The following ZSCAN20 variants were observed in gnomAD, a reference collection of about 807,000 sequenced individuals.
ZSCAN20 encodes the protein zinc finger and SCAN domain containing 20.
In ZSCAN20, 39 loss-of-function variants were observed where a neutral mutation model predicts 97.1. That is an observed-to-expected ratio of 0.40 (90% CI 0.31 to 0.52). The LOEUF (loss-of-function observed/expected upper bound fraction) is 0.52. ZSCAN20 is among the 20% of genes least tolerant of loss of function. The pLI is 0.49. For synonymous variants in ZSCAN20, 456 were observed against 467.3 expected (o/e 0.98, Z 0.31); for missense variants, 1,115 against 1,290.4 (o/e 0.86, Z 2.08).
chr1:33,494,001 C>T (rs566643115), intron 7 of ZSCAN20, among the ~76,000 whole-genome samples: 2 of 152,294 alleles, frequency 1.3e-5, no homozygotes, highest in South Asian at 4.1e-4. Context: ...TCACCATGTC[C>T]CAGAGTCCAT....
At position 33,495,147 on chromosome 1, in the gene ZSCAN20, G is replaced by T; in HGVS notation, c.2803G>T (p.Asp935Tyr). The T allele has an allele frequency of 6.2e-7, 1 of 1,613,980 alleles. No homozygotes were observed. Among genetic ancestry groups the T allele is most frequent in the Non-Finnish European group, 8.5e-7 (1 of 1,179,932 alleles). Residue 935 changes from aspartate (D) to tyrosine (Y), a missense_variant, in exon 8 of 8, where the codon GAC (aspartate) becomes TAC (tyrosine). Asp to Tyr is a radical substitution (Grantham distance 160). Transcript: ENST00000684572. ...TGGAGAGAAGCCGTATAAATGTGTG[G>T]ACTGTGGGAAGTGCTTCAGTGAGCG... ...HTGEKPYKCV[D>Y]CGKCFSERSK...
intron 3 of ZSCAN20, among the ~76,000 whole-genome samples, chr1:33,488,866 A>G (rs1652477929): frequency 1.7e-5 from 1 of 60,446 alleles, no homozygotes; most frequent in Non-Finnish European, 3.9e-5. Flanking sequence ...GGAGTCCTGC[A>G]GCAGGTGCAG....
rs1652834220 is a variant in ZSCAN20 at position 33,495,581 on chromosome 1, A to C, written c.*105A>C. 1 of 1,106,656 alleles carries C rather than the reference A, an allele frequency of 9.0e-7. No homozygotes were observed. The highest frequency in any genetic ancestry group is 1.2e-6 in the Non-Finnish European group (1 of 838,188). The allele number at this position is 1,106,656 out of a possible 1,614,324, so 68.6% of individuals were successfully genotyped here. On this transcript the variant is annotated 3_prime_UTR_variant, in exon 8 of 8. Transcript: ENST00000684572. ...CAATTTTTAAGCTTGGTGTGTACCC[A>C]GGGAAGTTATCTTGGTATAAACCAG...
rs1652964502 is a variant in ZSCAN20 at position 33,498,892 on chromosome 1, G to A, written c.*3416G>A. Among the ~76,000 whole-genome samples, 1 of 152,202 alleles carries A rather than the reference G, an allele frequency of 6.6e-6. No homozygotes were observed. Among genetic ancestry groups the A allele is most frequent in the South Asian group, 2.1e-4 (1 of 4,834 alleles). The stretch of plus-strand genomic sequence containing the variant: ...ACCCCCAGAGGCAGCAGACCCAAAG[G>A]TAGGGGCAGGGAAAGGAGGGGCCAA... On this transcript the variant is annotated 3_prime_UTR_variant, in exon 8 of 8. Coordinates refer to ENST00000684572, the MANE Select transcript of ZSCAN20 (RefSeq NM_001377376.1).
At position 33,487,313 on chromosome 1, in the gene ZSCAN20, T is replaced by C. The variant is rs139938027; in HGVS notation, c.418-1152T>C. ...TGTTTTTAAAAGTTAGGTGTTTCTA[T>C]AAAGTATTGAGATTGTTATATTTTG... On this transcript the variant is annotated intron_variant, in intron 2 of 7. Coordinates refer to ENST00000684572, the MANE Select transcript of ZSCAN20 (RefSeq NM_001377376.1). 4.5e-3 allele frequency among the ~76,000 whole-genome samples: 690 copies of C among 152,328 alleles called. 1 individual carries two copies. The highest frequency in any genetic ancestry group is 8.4e-3 in the Admixed American group (128 of 15,302).
Position 33,501,155 on chromosome 1 carries a change from T to C in ZSCAN20, c.*5679T>C, listed in dbSNP as rs1653056106. On this transcript the variant is annotated 3_prime_UTR_variant, in exon 8 of 8. Transcript: ENST00000684572. ...AGGAAAGGGCTTGTTCATGACCACG[T>C]ATGAGGTCGCCAACCCAACCCTGTT... Among the ~76,000 whole-genome samples the C allele has an allele frequency of 6.6e-6, 1 of 152,120 alleles. No individual in the cohort carries two copies. The highest frequency in any genetic ancestry group is 2.4e-5 in the African/African-American group (1 of 41,430).
chr1:33,476,671 G>C (rs1651951034), intron 1 of ZSCAN20, among the ~76,000 whole-genome samples: 1 of 152,138 alleles, frequency 6.6e-6, no homozygotes, highest in Non-Finnish European at 1.5e-5. Context: ...TGTGTGAGAG[G>C]GTGACAGAAA....
Position 33,499,917 on chromosome 1 carries a change from C to A in ZSCAN20, c.*4441C>A, listed in dbSNP as rs953399964. On this transcript the variant is annotated 3_prime_UTR_variant, in exon 8 of 8. Coordinates refer to ENST00000684572, the MANE Select transcript of ZSCAN20 (RefSeq NM_001377376.1). The stretch of plus-strand genomic sequence containing the variant: ...CCATTTGGGCATTGCTCAGCTCCCC[C>A]ACCTGTTAATAGCAAACACCAATCT... Among the ~76,000 whole-genome samples, 1 of 152,072 alleles carries A rather than the reference C, an allele frequency of 6.6e-6. No homozygotes were observed. Among genetic ancestry groups the A allele is most frequent in the Admixed American group, 6.6e-5 (1 of 15,262 alleles).
rs1418623205 is a variant in ZSCAN20, at chr1:33,491,564, G to T, written c.1306G>T (p.Glu436Ter). ...ALPRLGYSDA[E>*]MDEQEEGGWD... ...TCCCAGGCTCGGGTATAGTGACGCAGAGATGGATGAGCAGGAGGAAGGGGG... is the reference window on the plus strand; with the variant it reads ...TCCCAGGCTCGGGTATAGTGACGCATAGATGGATGAGCAGGAGGAAGGGGG... The change falls in exon 6 of 8, where the codon GAG becomes TAG. Residue 436 changes from glutamate to a stop codon, truncating the protein, a stop_gained. Transcript: ENST00000684572. LOFTEE classifies it high-confidence loss of function. This position sits in a 1 kb window ranked among gnomAD's most constrained non-coding sequence, Gnocchi z 4.3. 6.2e-7 allele frequency: 1 copy of T among 1,614,158 alleles called. No homozygotes were observed. Among genetic ancestry groups the T allele is most frequent in the African/African-American group, 1.3e-5 (1 of 75,046 alleles).
chr1:33,484,133 A>T (rs1557438518), intron 2 of ZSCAN20, among the ~76,000 whole-genome samples: 1 of 152,186 alleles, frequency 6.6e-6, no homozygotes, highest in Non-Finnish European at 1.5e-5. Flanking sequence ...TCCATAGACA[A>T]TCGTGTCATT....
In ZSCAN20 at chr1:33,495,250, G is replaced by A. The variant is rs770631087; in HGVS notation, c.2906G>A (p.Arg969His). 8.1e-6 allele frequency: 13 copies of A among 1,612,786 alleles called. No homozygotes were observed. The highest frequency in any genetic ancestry group is 1.7e-5 in the Admixed American group (1 of 59,962). ...TGCCTTGAGTGTGGAAAATTCTTCC[G>A]TGACCGTTCTAACCTCATTACTCAC... ...YKCLECGKFF[R>H]DRSNLITHQR... Residue 969 changes from arginine (R) to histidine (H), a missense_variant, in exon 8 of 8, where the codon CGT becomes CAT. Arg to His is a conservative substitution (Grantham distance 29). Transcript: ENST00000684572.
At chr1:33,492,874 T>A (rs1396642601) in intron 6 of ZSCAN20, among the ~76,000 whole-genome samples, 1 of 151,998 alleles carries the variant, frequency 6.6e-6, no homozygotes, top group African/African-American at 2.4e-5. Flanking sequence ...TTACAGGCCT[T>A]TCCCTGAACT....
chr1:33,488,775 G>T, intron 3 of ZSCAN20, 124 bp downstream of exon 3: 1 of 1,056,224 alleles, frequency 9.5e-7, no homozygotes, highest in Non-Finnish European at 1.4e-6. Flanking sequence ...CTGCAGTGTG[G>T]TGGGCACACT....
intron 2 of ZSCAN20, among the ~76,000 whole-genome samples, chr1:33,486,229 A>T (rs1652360485): frequency 6.6e-6 from 1 of 152,182 alleles, no homozygotes; most frequent in African/African-American, 2.4e-5. Flanking sequence ...GCTCCTGGAG[A>T]TAAAACTTAC....
intron 1 of ZSCAN20, among the ~76,000 whole-genome samples, chr1:33,475,213 C>T (rs1355296577): frequency 6.6e-6 from 1 of 152,222 alleles, no homozygotes; most frequent in Non-Finnish European, 1.5e-5. Flanking sequence ...TAGACCCTAA[C>T]TCTACCACTT....
intron 1 of ZSCAN20, among the ~76,000 whole-genome samples, chr1:33,475,650 CTCTT>C (rs1357211241): frequency 2.0e-5 from 3 of 152,048 alleles, no homozygotes; most frequent in Admixed American, 1.3e-4. Context: ...TGCTCTTTCT[CTCTT>C]TCTTTTTTTT....
Position 33,479,292 on chromosome 1 carries a change from G to C in ZSCAN20, c.4G>C (p.Ala2Pro). 1 of 1,603,128 alleles carries C rather than the reference G, an allele frequency of 6.2e-7. No individual in the cohort carries two copies. The highest frequency in any genetic ancestry group is 8.5e-7 in the Non-Finnish European group (1 of 1,174,092). Residue 2 changes from alanine (A) to proline (P), a missense_variant, in exon 2 of 8, where the codon GCT becomes CCT. Around this residue, in one of 3 missense-constraint regions of ZSCAN20, gnomAD observed 508 missense variants for 611.2 expected, o/e 0.83. Coordinates refer to ENST00000684572, the MANE Select transcript of ZSCAN20 (RefSeq NM_001377376.1). ...AGTGAGGTGTCTGGGTTAGACAATG[G>C]CTATGGCCCTGGAATTGCAAGCCCA... is the stretch of plus-strand genomic sequence containing the variant. M[A>P]MALELQAQAS...
chr1:33,495,158 G>T lies in ZSCAN20; in HGVS notation c.2814G>T (p.Lys938Asn). 6.2e-7 allele frequency: 1 copy of T among 1,613,880 alleles called. No individual in the cohort carries two copies. Among genetic ancestry groups the T allele is most frequent in the South Asian group, 1.1e-5 (1 of 91,054 alleles). Residue 938 changes from lysine to asparagine, a missense_variant, in exon 8 of 8, where the codon AAG becomes AAT. Lys to Asn is a moderately conservative substitution (Grantham distance 94). Coordinates refer to ENST00000684572, the MANE Select transcript of ZSCAN20 (RefSeq NM_001377376.1). ...EKPYKCVDCG[K>N]CFSERSKLIT... is the part of the protein sequence containing the mutation. ...CGTATAAATGTGTGGACTGTGGGAA[G>T]TGCTTCAGTGAGCGCTCCAAGCTCA... is the stretch of plus-strand genomic sequence containing the variant.
In ZSCAN20 at chr1:33,501,547, T is replaced by G. The variant is rs920806563; in HGVS notation, c.*6071T>G. On this transcript the variant is annotated 3_prime_UTR_variant, in exon 8 of 8. Transcript: ENST00000684572. ...CCCCATTTTCTGTTATTTTTTTTTT[T>G]TTTGTGCTGTTATGTACATCTCTTA... 9.2e-5 allele frequency among the ~76,000 whole-genome samples: 14 copies of G among 151,742 alleles called. No individual in the cohort carries two copies. The highest frequency in any genetic ancestry group is 3.1e-4 in the African/African-American group (13 of 41,326).
Sources: gnomAD v4.1 joint callset for allele counts (sites outside exome capture counted in the v4.1 genomes callset) on GRCh38, gnomAD v4.1.1 for gene constraint, gnomAD v4.1.1 regional missense constraint, Gnocchi (gnomAD v3.1) non-coding constraint, MANE v1.5 for transcripts, NCBI Gene and HGNC (gene_info 2026-07-23, HGNC 2026-07-21) for gene names.